VPS50: variants seen among roughly 807,000 people sequenced by gnomAD.
VPS50 encodes syndetin.
A neutral mutation model predicts 139.7 loss-of-function variants in VPS50; 70 were observed. The ratio of observed to expected loss-of-function variants is 0.50; its 90% CI spans 0.41 to 0.61. The LOEUF (loss-of-function observed/expected upper bound fraction) is 0.61. Ranked by LOEUF, VPS50 falls within the 20% of genes least tolerant of loss-of-function variation. The pLI, the probability that VPS50 is intolerant of heterozygous loss-of-function variation, is 0.00. For synonymous variants in VPS50, 365 were observed against 376.7 expected (o/e 0.97, Z 0.36); for missense variants, 921 against 1,133.7 (o/e 0.81, Z 2.69).
At chr7:93,348,339 G>A (rs1245212342) in intron 23 of VPS50, among the ~76,000 whole-genome samples, 1 of 152,300 alleles carries the variant, frequency 6.6e-6, no homozygotes, top group South Asian at 2.1e-4. Flanking sequence ...AGAGTCTGTT[G>A]TGTATAACTG....
intron 16 of VPS50, among the ~76,000 whole-genome samples, chr7:93,300,186 T>A (rs1439546182): frequency 2.6e-5 from 4 of 152,164 alleles, no homozygotes; most frequent in Admixed American, 6.5e-5. Flanking sequence ...TGAAGAAATG[T>A]CTTTGAAGAA....
chr7:93,235,093 A>T (rs1794760645), intron 1 of VPS50, among the ~76,000 whole-genome samples: 1 of 152,162 alleles, frequency 6.6e-6, no homozygotes, highest in African/African-American at 2.4e-5. Flanking sequence ...AAGGTAATAT[A>T]AAAAAACCTG....
chr7:93,353,545 G>A (rs1798616032), intron 25 of VPS50, 95 bp from the exon 26 acceptor site: 1 of 1,357,230 alleles, frequency 7.4e-7, no homozygotes, highest in Non-Finnish European at 1.0e-6. Context: ...TTGATTCTGA[G>A]TCTTTCTAAA....
At chr7:93,238,260 C>T (rs1402608212) in intron 1 of VPS50, among the ~76,000 whole-genome samples, 2 of 151,680 alleles carry the variant, frequency 1.3e-5, no homozygotes, top group Admixed American at 6.6e-5. Context: ...CTATTTTTCT[C>T]CCTCACTCAT....
intron 23 of VPS50, among the ~76,000 whole-genome samples, chr7:93,342,984 A>C (rs1315994587): frequency 1.3e-5 from 2 of 152,262 alleles, no homozygotes; most frequent in Non-Finnish European, 2.9e-5. Flanking sequence ...CTGGACGGAG[A>C]ATGACTTTGA....
intron 21 of VPS50, among the ~76,000 whole-genome samples, chr7:93,324,315 C>T (rs547859289): frequency 2.0e-5 from 3 of 152,270 alleles, no homozygotes; most frequent in African/African-American, 7.2e-5. Context: ...CCAGAACTTC[C>T]AACACTATGT....
chr7:93,299,943 T>C (rs1013725239), intron 16 of VPS50, among the ~76,000 whole-genome samples: 1 of 152,114 alleles, frequency 6.6e-6, no homozygotes, highest in Non-Finnish European at 1.5e-5. Flanking sequence ...TGTCAAAATA[T>C]TGTTTAATAA....
At chr7:93,284,769 C>G (rs1277055536) in intron 12 of VPS50, among the ~76,000 whole-genome samples, 1 of 152,154 alleles carries the variant, frequency 6.6e-6, no homozygotes, top group Non-Finnish European at 1.5e-5. Flanking sequence ...ACATGAATTG[C>G]TATGCAGGAG....
At chr7:93,245,014 T>C (rs184464210) in intron 2 of VPS50, among the ~76,000 whole-genome samples, 1 of 151,942 alleles carries the variant, frequency 6.6e-6, no homozygotes, top group East Asian at 1.9e-4. Context: ...TTACTAATCA[T>C]TGAAGATGCA....
At chr7:93,234,038 C>T (rs763819855) in intron 1 of VPS50, among the ~76,000 whole-genome samples, 7 of 152,254 alleles carry the variant, frequency 4.6e-5, no homozygotes, top group Middle Eastern at 3.4e-3. Flanking sequence ...ATGCTGACTT[C>T]GGTACCTGTT....
At chr7:93,290,935 C>T (rs1796631523) in intron 12 of VPS50, among the ~76,000 whole-genome samples, 1 of 151,992 alleles carries the variant, frequency 6.6e-6, no homozygotes, top group African/African-American at 2.4e-5. Flanking sequence ...TTACTTACAC[C>T]AGAGTCTTCA....
chr7:93,341,535 C>T lies in VPS50; in HGVS notation c.2167C>T (p.Leu723=), dbSNP rs2106432. Residue 723 remains leucine (L), a synonymous_variant, in exon 23 of 28, where the codon CTG becomes TTG. Transcript: ENST00000305866. The part of the protein sequence containing the change: ...HLVVLTSGDT[L]YGLAERVVAT... ...AGTGGTTTTGACATCTGGGGATACG[C>T]TGTATGGGTTGGCAGAAAGAGTGGT... 656,986 of 1,608,122 alleles carry T rather than the reference C, an allele frequency of 0.41. 146,131 individuals carry two copies. The highest frequency in any genetic ancestry group is 0.88 in the African/African-American group (65,843 of 74,812).
chr7:93,319,118 T>G (rs1044914138), intron 20 of VPS50, among the ~76,000 whole-genome samples: 1 of 152,164 alleles, frequency 6.6e-6, no homozygotes. Flanking sequence ...AAAGAACATA[T>G]CTTTCTCATT....
At chr7:93,295,084 G>A (rs1168674188) in intron 14 of VPS50, among the ~76,000 whole-genome samples, 1 of 152,044 alleles carries the variant, frequency 6.6e-6, no homozygotes, top group Non-Finnish European at 1.5e-5. Flanking sequence ...AATGATCTTT[G>A]TACCTTGAGG....
chr7:93,237,978 A>G (rs1794867829), intron 1 of VPS50, among the ~76,000 whole-genome samples: 1 of 152,242 alleles, frequency 6.6e-6, no homozygotes, highest in Admixed American at 6.5e-5. Context: ...TTATTGGAAC[A>G]TAACCCAATT....
intron 16 of VPS50, 68 bp downstream of exon 16, chr7:93,297,311 T>G: frequency 2.2e-6 from 3 of 1,336,472 alleles, no homozygotes; most frequent in Non-Finnish European, 2.9e-6. Flanking sequence ...TAATACTTAA[T>G]CTTATAGCAT....
At chr7:93,292,126 A>C (rs918097168) in intron 13 of VPS50, among the ~76,000 whole-genome samples, 3 of 152,092 alleles carry the variant, frequency 2.0e-5, no homozygotes, top group African/African-American at 7.2e-5. Context: ...TAATATTATT[A>C]GTTGCAAACT....
At chr7:93,354,452 C>T (rs1039089633) in intron 26 of VPS50, among the ~76,000 whole-genome samples, 2 of 151,936 alleles carry the variant, frequency 1.3e-5, no homozygotes, top group African/African-American at 2.4e-5. Context: ...TGCCACCATG[C>T]CCACTAATTT....
chr7:93,356,948 G>A (rs920590448), intron 27 of VPS50, among the ~76,000 whole-genome samples: 5 of 152,132 alleles, frequency 3.3e-5, no homozygotes, highest in East Asian at 1.9e-4. Context: ...TCACATTGGC[G>A]TGAATCTTGT....
Sources: gnomAD v4.1 joint callset for allele counts (sites outside exome capture counted in the v4.1 genomes callset) on GRCh38, gnomAD v4.1.1 for gene constraint, MANE v1.5 for transcripts, NCBI Gene and HGNC (gene_info 2026-07-23, HGNC 2026-07-21) for gene names.